Variants in CCDC66 observed in about 807,000 individuals in gnomAD.
CCDC66 encodes coiled-coil domain-containing protein 66.
Under a neutral mutation model 128.3 loss-of-function variants are expected in CCDC66, and 133 were observed. The observed-to-expected ratio is 1.04, with a 90% CI of 0.90 to 1.20. CCDC66 has a LOEUF of 1.20. Among genes scored for constraint, CCDC66 ranks in the 50% most tolerant of loss-of-function variants. CCDC66 has a pLI of 0.00. For synonymous variants in CCDC66, 387 were observed against 357.0 expected (o/e 1.08, Z -0.95); for missense variants, 1,126 against 1,075.5 (o/e 1.05, Z -0.66).
chr3:56,617,003 A>C, intron 13 of CCDC66, 109 bp from the exon 14 acceptor site: 1 of 902,558 alleles, frequency 1.1e-6, no homozygotes, highest in East Asian at 2.8e-5. Flanking sequence ...AAAATTAATG[A>C]AAGAAAAAAG....
intron 10 of CCDC66, 145 bp from the exon 11 acceptor site, chr3:56,613,444 T>C (rs2075111499): frequency 2.5e-6 from 2 of 802,096 alleles, no homozygotes; most frequent in South Asian, 1.9e-5. Context: ...CTGTTAGATC[T>C]ACGTGAAGTA....
At position 56,619,570 on chromosome 3, in the gene CCDC66, C is replaced by T. The variant is rs572255022; in HGVS notation, c.2635+43C>T. 33 of 1,487,968 alleles carry T rather than the reference C, an allele frequency of 2.2e-5. No homozygotes were observed. In the Admixed American group the frequency reaches 6.1e-4, roughly 27 times the overall value. 92.2% of individuals were successfully genotyped at this position (1,487,968 alleles called of 1,614,324 possible). A position where few individuals can be genotyped will look rare whatever the true frequency, so the allele number is the denominator to read the frequency against. ...ATTCTAACTGTAAAAATTGAAGACC[C>T]ATGTAAACCCCGTCAACAACTTTAA... On this transcript the variant is annotated intron_variant, in intron 16 of 17. Transcript: ENST00000394672.
chr3:56,578,841 T>C (rs1055130378), intron 7 of CCDC66, among the ~76,000 whole-genome samples: 2 of 151,920 alleles, frequency 1.3e-5, no homozygotes, highest in African/African-American at 2.4e-5. Flanking sequence ...TCTGCATCGA[T>C]GTTCATCAGG....
intron 4 of CCDC66, among the ~76,000 whole-genome samples, chr3:56,564,368 A>T (rs1165824083): frequency 6.6e-6 from 1 of 152,192 alleles, no homozygotes; most frequent in Non-Finnish European, 1.5e-5. Flanking sequence ...TTTAGAAAAA[A>T]TGTTAGTACA....
chr3:56,573,784 C>T (rs939616275), intron 7 of CCDC66, among the ~76,000 whole-genome samples: 4 of 151,826 alleles, frequency 2.6e-5, no homozygotes, highest in African/African-American at 9.7e-5. Context: ...CTGATTTCCC[C>T]ATCCACTCAT....
intron 7 of CCDC66, among the ~76,000 whole-genome samples, chr3:56,585,582 A>G (rs898381220): frequency 1.3e-5 from 2 of 151,876 alleles, no homozygotes; most frequent in Admixed American, 6.6e-5. Context: ...AAGGTATATC[A>G]TAATAAGTTT....
Position 56,601,809 on chromosome 3 carries a change from A to G in CCDC66, c.1404+7781A>G, listed in dbSNP as rs1245762428. On this transcript the variant is annotated intron_variant, in intron 10 of 17. Transcript: ENST00000394672. ...GTATAAGAATGCTTGTGATTTTTGC[A>G]CATTGATTTTGTATCCTGAGACTTT... Among the ~76,000 whole-genome samples, 4 of 152,158 alleles carry G rather than the reference A, an allele frequency of 2.6e-5. No homozygotes were observed. In the East Asian group the frequency reaches 5.8e-4, roughly 22 times the overall value.
In CCDC66 at chr3:56,617,484, T is replaced by G; in HGVS notation, c.2216T>G (p.Leu739Arg). The G allele has an allele frequency of 1.2e-6, 2 of 1,614,012 alleles. No individual in the cohort carries two copies. Among genetic ancestry groups the G allele is most frequent in the African/African-American group, 2.7e-5 (2 of 75,014 alleles). Residue 739 changes from leucine to arginine, a missense_variant, in exon 14 of 18, where the codon CTT becomes CGT. Coordinates refer to ENST00000394672, the MANE Select transcript of CCDC66 (RefSeq NM_001141947.3). ...AAAGTAAGGAGGCAGATGGAATTGC[T>G]TCATTTGGTAGAAAAAAATAATCCT... Reference protein sequence around the residue: ...EKKVRRQMELLHLVEKNNPGH... With the variant: ...EKKVRRQMELRHLVEKNNPGH...
intron 10 of CCDC66, 74 bp from the exon 11 acceptor site, chr3:56,613,515 A>G: frequency 2.0e-6 from 3 of 1,530,250 alleles, no homozygotes; most frequent in South Asian, 1.3e-5. Flanking sequence ...GAATGTATCT[A>G]GTCAGCCATC....
chr3:56,563,453 GGAGTA>G, intron 3 of CCDC66: 1 of 441,244 alleles, frequency 2.3e-6, no homozygotes, highest in East Asian at 3.4e-5. Context: ...ATTCAAAGCT[GGAGTA>G]TAGTGGAGAT....
chr3:56,584,127 C>A (rs1180724530), intron 7 of CCDC66, among the ~76,000 whole-genome samples: 4 of 146,320 alleles, frequency 2.7e-5, no homozygotes, highest in African/African-American at 9.9e-5. Context: ...CCACCTCCCT[C>A]CCGGACGGGG....
chr3:56,579,662 A>T (rs533495312), intron 7 of CCDC66, among the ~76,000 whole-genome samples: 62 of 151,914 alleles, frequency 4.1e-4, no homozygotes, highest in Non-Finnish European at 8.1e-4. Flanking sequence ...TCATTTCGTT[A>T]TGTACCCAGT....
intron 7 of CCDC66, among the ~76,000 whole-genome samples, chr3:56,582,578 A>G (rs1200157052): frequency 6.6e-6 from 1 of 151,812 alleles, no homozygotes; most frequent in African/African-American, 2.4e-5. Flanking sequence ...CTTTATTGGT[A>G]TATAGATTAG....
intron 15 of CCDC66, 140 bp from the exon 16 acceptor site, chr3:56,619,131 T>C: frequency 1.6e-6 from 1 of 636,160 alleles, no homozygotes; most frequent in Non-Finnish European, 2.6e-6. Flanking sequence ...AGCAGGAGAG[T>C]TGCAGTGAGC....
intron 7 of CCDC66, among the ~76,000 whole-genome samples, chr3:56,586,399 C>T (rs1240841695): frequency 2.0e-5 from 3 of 151,454 alleles, no homozygotes; most frequent in Admixed American, 6.6e-5. Context: ...GGTGTGGTGG[C>T]GCACGCCTGT....
intron 10 of CCDC66, among the ~76,000 whole-genome samples, chr3:56,613,125 G>A (rs1306901595): frequency 6.6e-6 from 1 of 152,178 alleles, no homozygotes; most frequent in African/African-American, 2.4e-5. Flanking sequence ...TCTCAAAATA[G>A]TGCCATGCTA....
At chr3:56,597,274 C>T (rs1055957408) in intron 10 of CCDC66, among the ~76,000 whole-genome samples, 10 of 151,914 alleles carry the variant, frequency 6.6e-5, no homozygotes, top group African/African-American at 2.4e-4. Context: ...GTTTTTATAC[C>T]AATACCATGC....
chr3:56,608,766 C>G (rs915295039), intron 10 of CCDC66, among the ~76,000 whole-genome samples: 2 of 152,156 alleles, frequency 1.3e-5, no homozygotes, highest in Admixed American at 6.5e-5. Context: ...CCTCTTAGCA[C>G]TGTCTTAACT....
rs992780056 is a variant in CCDC66 at position 56,593,688 on chromosome 3, G to A, written c.1266G>A (p.Glu422=). The change falls in exon 9 of 18, where the codon GAG becomes GAA. Residue 422 remains glutamate, a synonymous_variant. Coordinates refer to ENST00000394672, the MANE Select transcript of CCDC66 (RefSeq NM_001141947.3). Reference sequence around the variant, plus strand: ...GCCAGGTTGAACCTTCAGAGGAGGAGCATATAGCAAAACCTATTAAGGATG... The same window carrying A: ...GCCAGGTTGAACCTTCAGAGGAGGAACATATAGCAAAACCTATTAAGGATG... ...TGSQVEPSEE[E]HIAKPIKDVV... The A allele has an allele frequency of 1.2e-6, 2 of 1,614,148 alleles. No individual in the cohort carries two copies. Among genetic ancestry groups the A allele is most frequent in the East Asian group, 2.2e-5 (1 of 44,874 alleles).
Sources: allele counts gnomAD v4.1 joint callset (sites outside exome capture counted in the v4.1 genomes callset), GRCh38; gene constraint gnomAD v4.1.1; transcripts MANE v1.5; gene names NCBI Gene and HGNC (gene_info 2026-07-23, HGNC 2026-07-21).